The following SLC30A7 variants were observed in gnomAD, a reference collection of about 807,000 sequenced individuals.
The protein encoded by SLC30A7 is solute carrier family 30 member 7, also known as zinc transporter 7.
SLC30A7 carries 35 observed loss-of-function variants against 46.0 expected under a neutral mutation model. The observed-to-expected ratio is 0.76, with a 90% CI of 0.58 to 1.01. The LOEUF (loss-of-function observed/expected upper bound fraction) is 1.01, where lower values mean the gene tolerates loss of function less well. Ranked by LOEUF, SLC30A7 falls within the 50% of genes least tolerant of loss-of-function variation. SLC30A7 has a pLI of 0.00. For synonymous variants in SLC30A7, 147 were observed against 157.8 expected (o/e 0.93, Z 0.51); for missense variants, 464 against 451.1 (o/e 1.03, Z -0.26).
chr1:100,991,788 CAAA>C, the SLC30A7 span, among the ~76,000 whole-genome samples: 3 of 101,046 alleles, frequency 3.0e-5, no homozygotes, highest in Non-Finnish European at 6.0e-5. Context: ...GACCCCATCT[CAAA>C]AAAAAAAAAA....
chr1:100,953,013 T>G (rs6675403), intron 8 of SLC30A7, among the ~76,000 whole-genome samples: 42,657 of 151,984 alleles, frequency 0.28, 6,112 homozygotes, highest in Middle Eastern at 0.34. Context: ...GGATCATGGG[T>G]GTAGATTTCC....
chr1:100,960,711 A>G (rs1655488607), intron 8 of SLC30A7, among the ~76,000 whole-genome samples: 1 of 152,142 alleles, frequency 6.6e-6, no homozygotes, highest in Non-Finnish European at 1.5e-5. Flanking sequence ...TATTAAGTGT[A>G]GTGAAGCTAT....
intron 2 of SLC30A7, 135 bp downstream of exon 2, chr1:100,896,806 T>G: frequency 1.3e-6 from 1 of 741,128 alleles, no homozygotes; most frequent in South Asian, 1.6e-5. Flanking sequence ...GCTGAGTTGC[T>G]TTCTCATACC....
chr1:100,916,970 A>T (rs538224760), intron 6 of SLC30A7, among the ~76,000 whole-genome samples: 2 of 152,098 alleles, frequency 1.3e-5, no homozygotes, highest in East Asian at 3.8e-4. Flanking sequence ...TAGTTTGCAA[A>T]TATTTTCTGT....
intron 8 of SLC30A7, among the ~76,000 whole-genome samples, chr1:100,946,714 G>T (rs1310419893): frequency 1.3e-5 from 2 of 152,240 alleles, no homozygotes; most frequent in South Asian, 4.1e-4. Flanking sequence ...TTTTTGCATC[G>T]ATGTTCATTA....
chr1:100,969,081 C>T (rs550974472), intron 10 of SLC30A7, among the ~76,000 whole-genome samples: 3 of 152,172 alleles, frequency 2.0e-5, no homozygotes, highest in Non-Finnish European at 4.4e-5. Context: ...CAGTGCTAAT[C>T]TTATGTGTAA....
At chr1:100,996,009 A>C in the SLC30A7 span, 1 of 152,230 alleles carries the variant, frequency 6.6e-6, no homozygotes, top group Non-Finnish European at 1.5e-5. Flanking sequence ...CTTATAAAGG[A>C]TATCAAAGAG....
intron 8 of SLC30A7, among the ~76,000 whole-genome samples, chr1:100,952,556 TACTC>T (rs1463335715): frequency 6.6e-6 from 1 of 152,102 alleles, no homozygotes. Flanking sequence ...AATTGACTCT[TACTC>T]ATTCATCACC....
the SLC30A7 span, among the ~76,000 whole-genome samples, chr1:100,990,844 C>G: frequency 6.6e-6 from 1 of 152,116 alleles, no homozygotes; most frequent in Non-Finnish European, 1.5e-5. Flanking sequence ...CAAACTTTAC[C>G]CTTTCAGAAT....
At chr1:100,917,954 A>G in intron 6 of SLC30A7, 123 bp from the exon 7 acceptor site, 2 of 554,104 alleles carry the variant, frequency 3.6e-6, no homozygotes, top group Non-Finnish European at 6.2e-6. Context: ...ATAAATTTGT[A>G]AGTTTGATAT....
chr1:100,930,843 A>G (rs1653621248), intron 8 of SLC30A7, among the ~76,000 whole-genome samples: 2 of 152,154 alleles, frequency 1.3e-5, no homozygotes, highest in African/African-American at 4.8e-5. Context: ...TTAATCATGC[A>G]TAAAACCATC....
At chr1:100,913,025 GATA>G in intron 5 of SLC30A7, among the ~76,000 whole-genome samples, 1 of 152,110 alleles carries the variant, frequency 6.6e-6, no homozygotes, top group East Asian at 1.9e-4. Context: ...TTTTGACTTG[GATA>G]GCATCCACTC....
At chr1:100,925,849 A>T (rs536733735) in intron 8 of SLC30A7, among the ~76,000 whole-genome samples, 84 of 152,336 alleles carry the variant, frequency 5.5e-4, no homozygotes, top group Non-Finnish European at 1.1e-3. Context: ...AATCAACTGA[A>T]CAGAAAGGGT....
rs796365691 is a variant in SLC30A7 at position 100,936,082 on chromosome 1, C to CT, written c.842+14253dup. Among the ~76,000 whole-genome samples, 874 of 145,656 alleles carry CT rather than the reference C, an allele frequency of 6.0e-3. 1 individual carries two copies. Among genetic ancestry groups the CT allele is most frequent in the African/African-American group, 0.02 (806 of 40,008 alleles). On this transcript the variant is annotated intron_variant, in intron 8 of 10. Coordinates refer to ENST00000357650, the MANE Select transcript of SLC30A7 (RefSeq NM_133496.5). ...TTTAAATTGTCTTCTTTTCATTTTT[C>CT]TTTTTTTTTTTTCTACTCCAGTGAT...
intron 8 of SLC30A7, among the ~76,000 whole-genome samples, chr1:100,960,041 G>A (rs576422939): frequency 3.2e-4 from 49 of 152,262 alleles, no homozygotes; most frequent in African/African-American, 1.2e-3. Context: ...AATTAAGGGT[G>A]ACATCTAATT....
chr1:100,899,109 A>G (rs1236194054), intron 2 of SLC30A7, among the ~76,000 whole-genome samples: 2 of 152,208 alleles, frequency 1.3e-5, no homozygotes, highest in African/African-American at 2.4e-5. Context: ...AACAATAGGT[A>G]GTTGTTGTGT....
intron 8 of SLC30A7, among the ~76,000 whole-genome samples, chr1:100,925,325 G>A (rs1653226885): frequency 2.0e-5 from 3 of 152,224 alleles, no homozygotes; most frequent in Admixed American, 1.3e-4. Flanking sequence ...AGACTACCTA[G>A]GGTTAGGAGT....
intron 8 of SLC30A7, among the ~76,000 whole-genome samples, chr1:100,961,224 GT>G (rs1233657833): frequency 6.6e-6 from 1 of 151,910 alleles, no homozygotes; most frequent in Non-Finnish European, 1.5e-5. Flanking sequence ...GCTTCCCAAA[GT>G]GCTGGGATTA....
rs1463569174 is a variant in SLC30A7, at chr1:100,896,173, C to G, written c.-90C>G. The G allele has an allele frequency of 1.7e-6, 2 of 1,147,924 alleles. No individual in the cohort carries two copies. Among genetic ancestry groups the G allele is most frequent in the East Asian group, 4.7e-5 (2 of 42,396 alleles). The allele number at this position is 1,147,924 out of a possible 1,614,324, so 71.1% of individuals were successfully genotyped here. A position where few individuals can be genotyped will look rare whatever the true frequency, so the allele number is the denominator to read the frequency against. ...CGGCCCCGGACAAGCGCTGGGGATT[C>G]CCGTTTGAGGCGTCACTACTGTCAC... On this transcript the variant is annotated 5_prime_UTR_variant, in exon 1 of 11. Transcript: ENST00000357650.
Sources: allele counts gnomAD v4.1 joint callset (sites outside exome capture counted in the v4.1 genomes callset), GRCh38; gene constraint gnomAD v4.1.1; transcripts MANE v1.5; gene names NCBI Gene and HGNC (gene_info 2026-07-23, HGNC 2026-07-21).